The following AKAP12 variants were observed in gnomAD, a reference collection of about 807,000 sequenced individuals.
AKAP12 encodes the protein A-kinase anchoring protein 12, also known as A-kinase anchor protein 12.
AKAP12 carries 32 observed loss-of-function variants against 79.9 expected under a neutral mutation model. The ratio of observed to expected loss-of-function variants is 0.40; its 90% CI spans 0.30 to 0.54. AKAP12 has a LOEUF of 0.54. AKAP12 is among the 20% of genes least tolerant of loss of function. The probability of loss-of-function intolerance (pLI) is 0.48; values close to 1 mark genes in which losing one functional copy is unlikely to be tolerated. For synonymous variants in AKAP12, 808 were observed against 857.0 expected (o/e 0.94, Z 1.00); for missense variants, 2,074 against 2,177.0 (o/e 0.95, Z 0.94).
At chr6:151,328,683 T>G (rs866480950) in intron 3 of AKAP12, among the ~76,000 whole-genome samples, 2 of 152,118 alleles carry the variant, frequency 1.3e-5, no homozygotes, top group Non-Finnish European at 2.9e-5. Flanking sequence ...TAATGAAATC[T>G]TAAAGGTCTT....
intron 2 of AKAP12, among the ~76,000 whole-genome samples, chr6:151,272,692 C>T (rs966018897): frequency 2.0e-5 from 3 of 152,100 alleles, no homozygotes; most frequent in African/African-American, 2.4e-5. Flanking sequence ...TGTGCTGCCA[C>T]GCCCTGTTCA....
Position 151,350,126 on chromosome 6 carries a change from C to T in AKAP12, c.1735C>T (p.Leu579=). 6.2e-7 allele frequency: 1 copy of T among 1,613,804 alleles called. No individual in the cohort carries two copies. The highest frequency in any genetic ancestry group is 1.1e-5 in the South Asian group (1 of 91,058). ...TGAGGAGCCCGAGGAGATCACGTGTCTGGAAAAGGGCTTAGCCGAGGTGCA... is the reference window on the plus strand; with the variant it reads ...TGAGGAGCCCGAGGAGATCACGTGTTTGGAAAAGGGCTTAGCCGAGGTGCA... ...SPEEPEEITC[L]EKGLAEVQQD... is the part of the protein sequence containing the mutation. The change falls in exon 4 of 5, where the codon CTG becomes TTG. Residue 579 remains leucine (L), a synonymous_variant. Transcript: ENST00000402676. The surrounding 1 kb of genome is among the most constrained non-coding windows in gnomAD (Gnocchi z 4.8).
At chr6:151,258,926 C>CTGTGTGTGTGTG (rs35650826) in intron 2 of AKAP12, among the ~76,000 whole-genome samples, 3 of 147,984 alleles carry the variant, frequency 2.0e-5, no homozygotes, top group African/African-American at 5.0e-5. Flanking sequence ...TGTGCCCAGC[C>CTGTGTGTGTGTG]TGTGTGTGTG....
intron 2 of AKAP12, among the ~76,000 whole-genome samples, chr6:151,286,203 A>C (rs1436095512): frequency 6.6e-6 from 1 of 152,206 alleles, no homozygotes; most frequent in East Asian, 1.9e-4. Context: ...CAGCAATTTG[A>C]GAGTGAGTCA....
chr6:151,299,119 C>T (rs527482743), intron 2 of AKAP12, among the ~76,000 whole-genome samples: 3 of 152,300 alleles, frequency 2.0e-5, no homozygotes, highest in Admixed American at 6.5e-5. Flanking sequence ...TAGTGGCCTG[C>T]TGTAGAACTG....
intron 2 of AKAP12, among the ~76,000 whole-genome samples, chr6:151,270,864 G>A (rs1275777148): frequency 6.6e-6 from 1 of 152,170 alleles, no homozygotes; most frequent in African/African-American, 2.4e-5. Flanking sequence ...AATGACTTCT[G>A]AAATGAATGT....
At chr6:151,325,354 G>C in intron 3 of AKAP12, 1 of 985,420 alleles carries the variant, frequency 1.0e-6, no homozygotes, top group Non-Finnish European at 1.2e-6. Flanking sequence ...AGATACAGAA[G>C]TATTAGTAAA....
intron 3 of AKAP12, among the ~76,000 whole-genome samples, chr6:151,306,733 AG>A (rs1370696209): frequency 6.6e-6 from 1 of 152,202 alleles, no homozygotes; most frequent in Non-Finnish European, 1.5e-5. Context: ...ATGCCCCCAC[AG>A]AGCTGCTTCA....
chr6:151,261,473 C>T (rs1194764121), intron 2 of AKAP12, among the ~76,000 whole-genome samples: 3 of 151,966 alleles, frequency 2.0e-5, no homozygotes, highest in Admixed American at 6.6e-5. Flanking sequence ...GGTGGATCAA[C>T]TGAGGTCGGG....
chr6:151,351,383 G>A lies in AKAP12; in HGVS notation c.2992G>A (p.Glu998Lys). 6.2e-7 allele frequency: 1 copy of A among 1,614,218 alleles called. No individual in the cohort carries two copies. The highest frequency in any genetic ancestry group is 8.5e-7 in the Non-Finnish European group (1 of 1,180,040). Reference sequence around the variant, plus strand: ...AGGAACCGAAGCATCTGCTGCTGAAGAGACCACAGAAATGGTGTCAGCAGT... The same window carrying A: ...AGGAACCGAAGCATCTGCTGCTGAAAAGACCACAGAAATGGTGTCAGCAGT... ...EEGTEASAAE[E>K]TTEMVSAVSQ... Residue 998 changes from glutamate to lysine, a missense_variant, in exon 4 of 5, where the codon GAG becomes AAG. Glu to Lys is a moderately conservative substitution (Grantham distance 56). Around this residue, in one of 3 missense-constraint regions of AKAP12, gnomAD observed 1,428 missense variants for 1,451.0 expected, o/e 0.98. Coordinates refer to ENST00000402676, the MANE Select transcript of AKAP12 (RefSeq NM_005100.4). This position sits in a 1 kb window ranked among gnomAD's most constrained non-coding sequence, Gnocchi z 4.4.
At chr6:151,341,895 TC>T in intron 3 of AKAP12, 1 of 912,524 alleles carries the variant, frequency 1.1e-6, no homozygotes, top group Non-Finnish European at 1.5e-6. Flanking sequence ...GCCCGTGGCA[TC>T]CCAGCCCAGG....
intron 3 of AKAP12, among the ~76,000 whole-genome samples, chr6:151,317,241 A>G (rs1054091931): frequency 2.0e-5 from 3 of 152,212 alleles, no homozygotes; most frequent in Non-Finnish European, 4.4e-5. Context: ...AGTTTTCTCC[A>G]TAAAAGGAAG....
intron 2 of AKAP12, among the ~76,000 whole-genome samples, chr6:151,263,349 T>C: frequency 6.6e-6 from 1 of 152,054 alleles, no homozygotes; most frequent in East Asian, 1.9e-4. Context: ...ATTTTTCTCT[T>C]TGACTCTCAC....
chr6:151,284,778 C>A lies in AKAP12; in HGVS notation c.163-20969C>A, dbSNP rs559189924. ...CTCTTATCAACAGAACTGAAAGAGA[C>A]CCCTCCCTGTTAGTACTATGTGTCT... On this transcript the variant is annotated intron_variant, in intron 2 of 4. Transcript: ENST00000402676. Among the ~76,000 whole-genome samples, 7 of 152,298 alleles carry A rather than the reference C, an allele frequency of 4.6e-5. No individual in the cohort carries two copies. In the South Asian group the frequency reaches 1.5e-3, roughly 32 times the overall value.
intron 2 of AKAP12, among the ~76,000 whole-genome samples, chr6:151,264,767 A>C (rs1387508674): frequency 6.6e-6 from 1 of 152,160 alleles, no homozygotes; most frequent in Admixed American, 6.6e-5. Context: ...TTTTTGACAA[A>C]AATAAATTAA....
intron 2 of AKAP12, among the ~76,000 whole-genome samples, chr6:151,255,688 G>T (rs929014995): frequency 2.6e-5 from 4 of 152,090 alleles, no homozygotes; most frequent in Non-Finnish European, 4.4e-5. Flanking sequence ...TACTCAGGAG[G>T]CTGAGGTGGG....
chr6:151,330,130 A>G (rs1426841109), intron 3 of AKAP12, among the ~76,000 whole-genome samples: 4 of 152,174 alleles, frequency 2.6e-5, no homozygotes, highest in African/African-American at 7.2e-5. Flanking sequence ...TGAGACCAGC[A>G]TGGTCAACGT....
intron 2 of AKAP12, among the ~76,000 whole-genome samples, chr6:151,290,432 C>T (rs1413343182): frequency 2.6e-5 from 4 of 152,090 alleles, no homozygotes; most frequent in Non-Finnish European, 5.9e-5. Flanking sequence ...TACAGTCTTT[C>T]TCCACTTAGA....
chr6:151,292,556 A>T (rs1015928261), intron 2 of AKAP12, among the ~76,000 whole-genome samples: 7 of 152,244 alleles, frequency 4.6e-5, no homozygotes, highest in Non-Finnish European at 1.0e-4. Flanking sequence ...CTCAGATTCA[A>T]CCAACCAAGG....
Sources: allele counts gnomAD v4.1 joint callset (sites outside exome capture counted in the v4.1 genomes callset), GRCh38; gene constraint gnomAD v4.1.1; regional missense constraint gnomAD v4.1.1; non-coding constraint Gnocchi (gnomAD v3.1); transcripts MANE v1.5; gene names NCBI Gene and HGNC (gene_info 2026-07-23, HGNC 2026-07-21).